The following GDPD5 variants were observed in gnomAD, a reference collection of about 807,000 sequenced individuals.
The protein encoded by GDPD5 is glycerophosphodiester phosphodiesterase 2.
GDPD5 carries 48 observed loss-of-function variants against 75.1 expected under a neutral mutation model. That is an observed-to-expected ratio of 0.64 (90% CI 0.51 to 0.81). GDPD5 has a LOEUF of 0.81. Among genes scored for constraint, GDPD5 ranks in the 40% least tolerant of loss-of-function variants. The pLI is 0.00. For synonymous variants in GDPD5, 336 were observed against 339.0 expected (o/e 0.99, Z 0.10); for missense variants, 706 against 822.6 (o/e 0.86, Z 1.73).
intron 3 of GDPD5, 43 bp downstream of exon 3, chr11:75,477,576 G>A: frequency 1.5e-6 from 2 of 1,328,698 alleles, no homozygotes; most frequent in African/African-American, 2.9e-5. Context: ...CAGGCTTGCT[G>A]GGGCTCACTG....
At chr11:75,506,480 C>T (rs1950401984) in intron 1 of GDPD5, among the ~76,000 whole-genome samples, 1 of 152,150 alleles carries the variant, frequency 6.6e-6, no homozygotes, top group East Asian at 1.9e-4. Context: ...TGATATGATC[C>T]GGCTGCTACT....
At chr11:75,457,304 G>C (rs1055530242) in intron 5 of GDPD5, among the ~76,000 whole-genome samples, 4 of 152,172 alleles carry the variant, frequency 2.6e-5, no homozygotes, top group African/African-American at 9.7e-5. Flanking sequence ...ACTGGGTCCG[G>C]GGCAAACATT....
At chr11:75,512,393 A>C (rs1249750714) in intron 1 of GDPD5, among the ~76,000 whole-genome samples, 2 of 151,936 alleles carry the variant, frequency 1.3e-5, no homozygotes, top group Non-Finnish European at 2.9e-5. Context: ...AGGAACCGAC[A>C]GGGTGGGAAG....
chr11:75,444,372 TG>T (rs1401056355), intron 10 of GDPD5, 40 bp downstream of exon 10: 1 of 1,389,988 alleles, frequency 7.2e-7, no homozygotes, highest in Admixed American at 1.7e-5. Flanking sequence ...CCGAAGCGTG[TG>T]GGAGGGGTAG....
intron 1 of GDPD5, among the ~76,000 whole-genome samples, chr11:75,501,425 G>A (rs529393626): frequency 1.3e-5 from 2 of 152,336 alleles, no homozygotes; most frequent in East Asian, 3.9e-4. Flanking sequence ...TGGGCACACT[G>A]GCGCAAGCAT....
At chr11:75,445,221 C>A (rs1333127943) in intron 9 of GDPD5, among the ~76,000 whole-genome samples, 1 of 152,160 alleles carries the variant, frequency 6.6e-6, no homozygotes, top group Admixed American at 6.5e-5. Context: ...ACAATCACAG[C>A]TCACAACAGC....
rs563979329 is a variant in GDPD5 at position 75,488,484 on chromosome 11, C to T, written c.-61+1753G>A. On this transcript the variant is annotated intron_variant, in intron 2 of 16. Transcript: ENST00000336898. The stretch of plus-strand genomic sequence containing the variant: ...ATGAAAGGGGGAGGAGGAGGAGGAA[C>T]GTGAGTACAGTGGAGACTTGTACAG... Among the ~76,000 whole-genome samples the T allele has an allele frequency of 5.9e-5, 9 of 152,124 alleles. No homozygotes were observed. In the South Asian group the frequency reaches 1.0e-3, roughly 18 times the overall value.
At position 75,456,838 on chromosome 11, in the gene GDPD5, G is replaced by A. The variant is rs200652661; in HGVS notation, c.316-22C>T. The A allele has an allele frequency of 8.0e-4, 1,298 of 1,612,702 alleles. 1 individual carries two copies. The highest frequency in any genetic ancestry group is 1.0e-3 in the Non-Finnish European group (1,221 of 1,178,660). The stretch of plus-strand genomic sequence containing the variant: ...GGACCTGAGGAGGGACCCACAGGGT[G>A]ATTGTCAGGCCCGTGTGGGCGGGAA... On this transcript the variant is annotated intron_variant, in intron 5 of 16. Coordinates refer to ENST00000336898, the MANE Select transcript of GDPD5 (RefSeq NM_030792.8).
At chr11:75,440,684 T>A (rs950186068) in intron 14 of GDPD5, among the ~76,000 whole-genome samples, 3 of 152,062 alleles carry the variant, frequency 2.0e-5, no homozygotes, top group Admixed American at 1.3e-4. Flanking sequence ...GCCTACCGAG[T>A]AGCTAGGACT....
chr11:75,461,058 T>C (rs767245350), intron 4 of GDPD5, among the ~76,000 whole-genome samples: 20 of 152,118 alleles, frequency 1.3e-4, no homozygotes, highest in Non-Finnish European at 2.5e-4. Flanking sequence ...ACTTAACCTC[T>C]CTAAGCCTTG....
chr11:75,512,281 G>GACACACGGACACACACACAC (rs1950538318), intron 1 of GDPD5, among the ~76,000 whole-genome samples: 2 of 123,100 alleles, frequency 1.6e-5, no homozygotes, highest in Non-Finnish European at 3.4e-5. Context: ...AATTGGGAAG[G>GACACACGGACACACACACAC]ACACACACAC....
In GDPD5 at chr11:75,457,185, G is replaced by A. The variant is rs189081487; in HGVS notation, c.316-369C>T. ...CCCCAAGGAGCCCCCAGTCCAGCAT[G>A]GGGGATCCACCTGCATCTCAGTGAG... On this transcript the variant is annotated intron_variant, in intron 5 of 16. Transcript: ENST00000336898. Among the ~76,000 whole-genome samples the A allele has an allele frequency of 2.0e-5, 3 of 152,356 alleles. No homozygotes were observed. The East Asian group carries it at 5.8e-4, about 29-fold the overall frequency.
At chr11:75,520,558 C>A (rs1185303775) in intron 1 of GDPD5, among the ~76,000 whole-genome samples, 2 of 152,216 alleles carry the variant, frequency 1.3e-5, no homozygotes, top group South Asian at 4.2e-4. Flanking sequence ...GAACCCCAAT[C>A]CACAGACCAC....
intron 1 of GDPD5, among the ~76,000 whole-genome samples, chr11:75,501,561 T>C (rs971386105): frequency 1.3e-5 from 2 of 152,170 alleles, no homozygotes; most frequent in African/African-American, 4.8e-5. Flanking sequence ...AGCCTTTGGC[T>C]GGGCCAGGGC....
At chr11:75,470,717 A>C (rs1247713562) in intron 3 of GDPD5, among the ~76,000 whole-genome samples, 2 of 152,242 alleles carry the variant, frequency 1.3e-5, no homozygotes, top group African/African-American at 2.4e-5. Flanking sequence ...AATACATCTT[A>C]ATCCATCTGG....
intron 1 of GDPD5, among the ~76,000 whole-genome samples, chr11:75,506,305 A>C (rs1950398046): frequency 6.6e-6 from 1 of 152,166 alleles, no homozygotes; most frequent in African/African-American, 2.4e-5. Context: ...AGCCAGCCCC[A>C]GGGAGGAAGA....
At chr11:75,435,714 T>C in intron 16 of GDPD5, 59 bp from the exon 17 acceptor site, 2 of 1,528,210 alleles carry the variant, frequency 1.3e-6, no homozygotes, top group East Asian at 4.6e-5. Flanking sequence ...TGAGGATGGG[T>C]GACAGATGGG....
chr11:75,504,486 C>T (rs878931056), intron 1 of GDPD5, among the ~76,000 whole-genome samples: 1 of 152,188 alleles, frequency 6.6e-6, no homozygotes, highest in African/African-American at 2.4e-5. Context: ...AGCAGCACTC[C>T]GCCTGAACAA....
At chr11:75,507,579 G>A (rs1276235780) in intron 1 of GDPD5, among the ~76,000 whole-genome samples, 1 of 152,230 alleles carries the variant, frequency 6.6e-6, no homozygotes, top group Non-Finnish European at 1.5e-5. Flanking sequence ...GGTTCTTAAG[G>A]CAGGGCTGTC....
Sources: gnomAD v4.1 joint callset for allele counts (sites outside exome capture counted in the v4.1 genomes callset) on GRCh38, gnomAD v4.1.1 for gene constraint, MANE v1.5 for transcripts, NCBI Gene and HGNC (gene_info 2026-07-23, HGNC 2026-07-21) for gene names.